CD1B: variants seen among roughly 807,000 people sequenced by gnomAD.
The protein encoded by CD1B is T-cell surface glycoprotein CD1b.
Under a neutral mutation model 39.8 loss-of-function variants are expected in CD1B, and 43 were observed. The observed-to-expected ratio is 1.08, with a 90% CI of 0.85 to 1.39. The LOEUF is 1.39. Ranked by LOEUF, CD1B falls within the 40% of genes most tolerant of loss-of-function variation. The pLI, the probability that CD1B is intolerant of heterozygous loss-of-function variation, is 0.00. For synonymous variants in CD1B, 192 were observed against 152.5 expected, an observed-to-expected ratio of 1.26 and a Z score of -1.91; for missense variants, 495 against 403.8, an observed-to-expected ratio of 1.23 and a Z score of -1.94.
the CD1B span, among the ~76,000 whole-genome samples, chr1:158,318,417 A>G: frequency 6.6e-6 from 1 of 152,126 alleles, no homozygotes; most frequent in Non-Finnish European, 1.5e-5. Context: ...CCATTCTGTA[A>G]TGGTCTTCTT....
Position 158,328,107 on chromosome 1 carries a change from T to A in CD1B, c.*129A>T, listed in dbSNP as rs1652427549. On this transcript the variant is annotated 3_prime_UTR_variant, in exon 6 of 6. Coordinates refer to ENST00000368168, the MANE Select transcript of CD1B (RefSeq NM_001764.3). ...CTGATGTTTAAATAATAATTTATTT[T>A]AAAATACATGAAAACTCTGATTTCA... The A allele has an allele frequency of 1.3e-6, 1 of 748,092 alleles. No homozygotes were observed. The highest frequency in any genetic ancestry group is 2.4e-4 in the Middle Eastern group (1 of 4,118). 46.3% of individuals were successfully genotyped at this position (748,092 alleles called of 1,614,324 possible). A position where few individuals can be genotyped will look rare whatever the true frequency, so the allele number is the denominator to read the frequency against.
At chr1:158,319,512 C>T in the CD1B span, among the ~76,000 whole-genome samples, 1 of 152,188 alleles carries the variant, frequency 6.6e-6, no homozygotes, top group Non-Finnish European at 1.5e-5. Context: ...TTGTCAGCTC[C>T]ATCACTCCTT....
Position 158,329,880 on chromosome 1 carries a change from A to G in CD1B, c.579T>C (p.Asn193=), listed in dbSNP as rs769598543. Residue 193 remains asparagine, a synonymous_variant, in exon 3 of 6, where the codon AAT becomes AAC. Transcript: ENST00000368168. ...TCPRYLLGVL[N]AGKADLQRQV... ...GTCTTTGCAGATCTGCTTTTCCTGC[A>G]TTGAGGACGCCCAAGAGATATCGGG... The G allele has an allele frequency of 6.2e-7, 1 of 1,614,056 alleles. No individual in the cohort carries two copies. Among genetic ancestry groups the G allele is most frequent in the Admixed American group, 1.7e-5 (1 of 60,014 alleles).
downstream of CD1B, among the ~76,000 whole-genome samples, chr1:158,323,079 G>A (rs144992931): frequency 4.4e-4 from 67 of 152,094 alleles, no homozygotes; most frequent in South Asian, 1.7e-3. Context: ...TGAATAAGCC[G>A]TCTATTTCCT....
the CD1B span, chr1:158,291,222 G>A: frequency 1.9e-6 from 3 of 1,613,908 alleles, no homozygotes; most frequent in Admixed American, 3.3e-5. Flanking sequence ...CAGGATGGCT[G>A]GACGAGTTGC....
chr1:158,292,685 C>A, the CD1B span: 4 of 1,614,034 alleles, frequency 2.5e-6, no homozygotes, highest in Admixed American at 3.3e-5. Context: ...CTACCCAAAG[C>A]CTGTTTGGGT....
the CD1B span, among the ~76,000 whole-genome samples, chr1:158,301,613 G>A: frequency 6.6e-6 from 1 of 152,072 alleles, no homozygotes; most frequent in South Asian, 2.1e-4. Context: ...TTGAATATTG[G>A]CCCCCACTCT....
At chr1:158,289,640 G>A in the CD1B span, 4 of 155,532 alleles carry the variant, frequency 2.6e-5, no homozygotes, top group African/African-American at 7.2e-5. Context: ...GCAAAGTTAA[G>A]TGGAGAAACT....
the CD1B span, among the ~76,000 whole-genome samples, chr1:158,304,336 C>T: frequency 6.6e-6 from 1 of 152,310 alleles, no homozygotes; most frequent in East Asian, 1.9e-4. Context: ...CGGAGCCTCA[C>T]TCATTGCTAG....
At chr1:158,308,765 A>C in the CD1B span, among the ~76,000 whole-genome samples, 1 of 152,228 alleles carries the variant, frequency 6.6e-6, no homozygotes, top group Non-Finnish European at 1.5e-5. Context: ...TGCTGGGAAA[A>C]CTGGTTAGCC....
chr1:158,287,759 A>G, the CD1B span, among the ~76,000 whole-genome samples: 4 of 152,244 alleles, frequency 2.6e-5, no homozygotes, highest in Non-Finnish European at 5.9e-5. Flanking sequence ...GTTATGTTGC[A>G]GTTATAAATA....
At chr1:158,308,762 A>G in the CD1B span, among the ~76,000 whole-genome samples, 4 of 152,220 alleles carry the variant, frequency 2.6e-5, no homozygotes, top group Admixed American at 6.5e-5. Flanking sequence ...TGGTGCTGGG[A>G]AAACTGGTTA....
At chr1:158,315,977 G>A in the CD1B span, among the ~76,000 whole-genome samples, 2 of 151,926 alleles carry the variant, frequency 1.3e-5, no homozygotes, top group East Asian at 3.9e-4. Context: ...TAGATATGTG[G>A]CATTAATTTT....
At chr1:158,307,009 C>A in the CD1B span, among the ~76,000 whole-genome samples, 202 of 152,212 alleles carry the variant, frequency 1.3e-3, 1 homozygote, top group African/African-American at 4.5e-3. Context: ...CATAACATCA[C>A]AATTAAAAGA....
chr1:158,287,283 GCA>G, the CD1B span, among the ~76,000 whole-genome samples: 48 of 148,596 alleles, frequency 3.2e-4, no homozygotes, highest in Non-Finnish European at 4.9e-4. Flanking sequence ...CATGGTGGGT[GCA>G]CACACACACA....
At chr1:158,313,327 T>C in the CD1B span, among the ~76,000 whole-genome samples, 1 of 152,180 alleles carries the variant, frequency 6.6e-6, no homozygotes, top group Admixed American at 6.6e-5. Context: ...TTTTATTTTT[T>C]TGAGAAAGTG....
At chr1:158,315,309 C>A in the CD1B span, among the ~76,000 whole-genome samples, 1 of 152,178 alleles carries the variant, frequency 6.6e-6, no homozygotes, top group African/African-American at 2.4e-5. Context: ...CACATCCTCC[C>A]CAGCACCTGT....
chr1:158,321,241 T>C, the CD1B span, among the ~76,000 whole-genome samples: 1 of 152,218 alleles, frequency 6.6e-6, no homozygotes, highest in African/African-American at 2.4e-5. Context: ...TATTTACCCC[T>C]GTATCAGTTT....
the CD1B span, among the ~76,000 whole-genome samples, chr1:158,318,567 G>A: frequency 2.0e-5 from 3 of 152,140 alleles, no homozygotes; most frequent in African/African-American, 4.8e-5. Flanking sequence ...CTCTGCACGT[G>A]AGATGGGTTT....
Sources: gnomAD v4.1 joint callset for allele counts (sites outside exome capture counted in the v4.1 genomes callset) on GRCh38, gnomAD v4.1.1 for gene constraint, MANE v1.5 for transcripts, NCBI Gene and HGNC (gene_info 2026-07-23, HGNC 2026-07-21) for gene names.